Variants in MORC1 observed in about 807,000 individuals in gnomAD.
The protein encoded by MORC1 is MORC family CW-type zinc finger protein 1.
A neutral mutation model predicts 134.9 loss-of-function variants in MORC1; 59 were observed. The ratio of observed to expected loss-of-function variants is 0.44; its 90% CI spans 0.35 to 0.54. The LOEUF (loss-of-function observed/expected upper bound fraction) is 0.54. Among genes scored for constraint, MORC1 ranks in the 20% least tolerant of loss-of-function variants. The pLI is 0.00. For missense variants in MORC1, 947 were observed against 1,134.5 expected, an observed-to-expected ratio of 0.83 and a Z score of 2.37; for synonymous variants, 395 against 391.7, an observed-to-expected ratio of 1.01 and a Z score of -0.10.
intron 14 of MORC1, among the ~76,000 whole-genome samples, chr3:109,044,893 G>A (rs551639638): frequency 4.7e-5 from 7 of 149,216 alleles, no homozygotes; most frequent in Admixed American, 2.7e-4. Context: ...TGCAGTGAGC[G>A]GAGATCATGC....
chr3:108,985,351 AAG>A (rs1308098549), intron 22 of MORC1, among the ~76,000 whole-genome samples: 2 of 152,202 alleles, frequency 1.3e-5, no homozygotes, highest in Non-Finnish European at 2.9e-5. Context: ...GGATTGTTTT[AAG>A]AGTGTCTTGG....
intron 24 of MORC1, among the ~76,000 whole-genome samples, chr3:108,973,740 G>A (rs2715741): frequency 0.13 from 19,085 of 151,358 alleles, 1,289 homozygotes; most frequent in Non-Finnish European, 0.14. Flanking sequence ...GGGATTACAG[G>A]CGCACGCCAC....
At chr3:108,969,089 C>A (rs1418252928) in intron 26 of MORC1, among the ~76,000 whole-genome samples, 1 of 151,794 alleles carries the variant, frequency 6.6e-6, no homozygotes, top group Non-Finnish European at 1.5e-5. Flanking sequence ...AGATACACAG[C>A]ATTATTTGAT....
intron 14 of MORC1, among the ~76,000 whole-genome samples, chr3:109,048,685 C>T (rs1949751016): frequency 6.6e-6 from 1 of 152,140 alleles, no homozygotes. Context: ...CTGAGGCTTC[C>T]CTACTTTGCT....
At chr3:108,979,811 G>T in intron 23 of MORC1, 144 bp from the exon 24 acceptor site, 1 of 811,016 alleles carries the variant, frequency 1.2e-6, no homozygotes, top group Non-Finnish European at 1.8e-6. Context: ...CACCACTGTA[G>T]TTACATGAAA....
chr3:109,069,652 G>T lies in MORC1; in HGVS notation c.795C>A (p.Cys265Ter). The change falls in exon 9 of 28, where the codon TGC becomes TGA. Residue 265 changes from cysteine (C) to a stop codon, truncating the protein, a stop_gained. Transcript: ENST00000232603. LOFTEE classifies it high-confidence loss of function. ...GTTACCTGGGTCTGTAGAGGCAATAGCAAAGATGTTTAGTTTTAACTCTCT... is the reference window on the plus strand; with the variant it reads ...GTTACCTGGGTCTGTAGAGGCAATATCAAAGATGTTTAGTTTTAACTCTCT... ...QAKRVKTKHL[C>*]YCLYRPRKYL... 6.2e-7 allele frequency: 1 copy of T among 1,608,090 alleles called. No individual in the cohort carries two copies. Among genetic ancestry groups the T allele is most frequent in the Non-Finnish European group, 8.5e-7 (1 of 1,176,098 alleles).
At chr3:109,011,471 T>C (rs753390175) in intron 17 of MORC1, among the ~76,000 whole-genome samples, 24 of 152,146 alleles carry the variant, frequency 1.6e-4, no homozygotes, top group Admixed American at 6.5e-5. Context: ...CCTGCTTAAA[T>C]GTGTCTATTT....
chr3:109,060,907 T>A (rs1950064856), intron 11 of MORC1, among the ~76,000 whole-genome samples: 1 of 152,022 alleles, frequency 6.6e-6, no homozygotes, highest in Non-Finnish European at 1.5e-5. Flanking sequence ...GGAAATGATT[T>A]CTTAAAAACA....
intron 14 of MORC1, among the ~76,000 whole-genome samples, chr3:109,047,616 T>C (rs1186332073): frequency 6.6e-6 from 1 of 152,094 alleles, no homozygotes; most frequent in Non-Finnish European, 1.5e-5. Context: ...GGAGCTGACA[T>C]GAAGTAATTA....
chr3:109,094,789 C>T, intron 7 of MORC1, 120 bp downstream of exon 7: 4 of 917,184 alleles, frequency 4.4e-6, no homozygotes, highest in Non-Finnish European at 6.2e-6. Flanking sequence ...ATGACTGTCC[C>T]CAGTGTGAAT....
chr3:108,992,479 G>C (rs920504915), intron 21 of MORC1, among the ~76,000 whole-genome samples: 2 of 152,080 alleles, frequency 1.3e-5, no homozygotes, highest in Non-Finnish European at 2.9e-5. Flanking sequence ...ATCAAGTCAA[G>C]CATTTTATCT....
At chr3:109,043,977 T>C (rs1559915760) in intron 14 of MORC1, among the ~76,000 whole-genome samples, 2 of 152,190 alleles carry the variant, frequency 1.3e-5, no homozygotes, top group Non-Finnish European at 2.9e-5. Context: ...GATTAAAAAA[T>C]TCAGTTTACT....
At chr3:109,047,914 G>A (rs1176884810) in intron 14 of MORC1, among the ~76,000 whole-genome samples, 4 of 152,146 alleles carry the variant, frequency 2.6e-5, no homozygotes, top group Admixed American at 2.0e-4. Context: ...TCTACGCATT[G>A]ATCATGACTG....
At chr3:109,013,410 T>G (rs1172903265) in intron 17 of MORC1, among the ~76,000 whole-genome samples, 1 of 152,338 alleles carries the variant, frequency 6.6e-6, no homozygotes, top group African/African-American at 2.4e-5. Context: ...TCCTCTGATC[T>G]CTACAAAAAA....
chr3:109,037,571 CCTAATA>C (rs929297079), intron 14 of MORC1, among the ~76,000 whole-genome samples: 5 of 152,200 alleles, frequency 3.3e-5, no homozygotes, highest in Admixed American at 2.6e-4. Context: ...AGGTATTTCT[CCTAATA>C]CTATCTCTCT....
At chr3:109,111,050 T>TAAAA (rs11344763) in intron 2 of MORC1, among the ~76,000 whole-genome samples, 16,668 of 112,694 alleles carry the variant, frequency 0.15, 962 homozygotes, top group Non-Finnish European at 0.2. Flanking sequence ...GGATATAATT[T>TAAAA]AAAAAAAAAA....
intron 17 of MORC1, among the ~76,000 whole-genome samples, chr3:109,018,197 T>A (rs1221670603): frequency 6.6e-6 from 1 of 152,258 alleles, no homozygotes; most frequent in East Asian, 1.9e-4. Flanking sequence ...TAATTTTCTA[T>A]CAATTCTTTG....
chr3:109,037,043 A>G (rs895735762), intron 14 of MORC1, among the ~76,000 whole-genome samples: 18 of 152,190 alleles, frequency 1.2e-4, no homozygotes, highest in Non-Finnish European at 2.6e-4. Context: ...CTTGACCATA[A>G]AACCTGGAAT....
intron 14 of MORC1, among the ~76,000 whole-genome samples, chr3:109,046,513 C>A (rs1274484248): frequency 6.6e-6 from 1 of 152,162 alleles, no homozygotes; most frequent in African/African-American, 2.4e-5. Flanking sequence ...GGGCAATAGC[C>A]TAGTCAGCTC....
Sources: allele counts gnomAD v4.1 joint callset (sites outside exome capture counted in the v4.1 genomes callset), GRCh38; gene constraint gnomAD v4.1.1; transcripts MANE v1.5; gene names NCBI Gene and HGNC (gene_info 2026-07-23, HGNC 2026-07-21).